SDK1: variants seen among roughly 807,000 people sequenced by gnomAD.
SDK1 encodes the protein sidekick cell adhesion molecule 1, also known as protein sidekick-1.
A neutral mutation model predicts 245.5 loss-of-function variants in SDK1; 157 were observed. The ratio of observed to expected loss-of-function variants is 0.64; its 90% CI spans 0.56 to 0.73. SDK1 has a LOEUF of 0.73. SDK1 is among the 30% of genes least tolerant of loss of function. The pLI is 0.00. For synonymous variants in SDK1, 1,647 were observed against 1,278.5 expected (o/e 1.29, Z -6.15); for missense variants, 3,583 against 3,002.3 (o/e 1.19, Z -4.52).
chr7:3,655,499 A>ATG (rs1562634449), intron 4 of SDK1, among the ~76,000 whole-genome samples: 30 of 64,016 alleles, frequency 4.7e-4, no homozygotes, highest in Non-Finnish European at 7.1e-4. Flanking sequence ...ATATATATAT[A>ATG]TATATGTATG....
At chr7:4,075,267 G>A (rs536600162) in intron 20 of SDK1, among the ~76,000 whole-genome samples, 19 of 152,298 alleles carry the variant, frequency 1.2e-4, no homozygotes, top group South Asian at 8.3e-4. Context: ...CCCTCAGCCC[G>A]CACACAGAAG....
At position 3,352,486 on chromosome 7, in the gene SDK1, C is replaced by T. The variant is rs1024241195; in HGVS notation, c.298+50602C>T. On this transcript the variant is annotated intron_variant, in intron 1 of 44. Transcript: ENST00000404826. Reference sequence around the variant, plus strand: ...CGAGATTTACATCCAGAGCTTAGTTCACAGGCTGTGGCTCCTGTTTTTATT... The same window carrying T: ...CGAGATTTACATCCAGAGCTTAGTTTACAGGCTGTGGCTCCTGTTTTTATT... 7.9e-5 allele frequency among the ~76,000 whole-genome samples: 12 copies of T among 152,138 alleles called. 1 individual carries two copies.
chr7:4,102,510 C>G (rs1189917868), intron 22 of SDK1, among the ~76,000 whole-genome samples: 1 of 152,202 alleles, frequency 6.6e-6, no homozygotes. Flanking sequence ...CGTCCCTCCT[C>G]CCTTCCCCAC....
At position 3,962,770 on chromosome 7, in the gene SDK1, C is replaced by G. The variant is rs762978309; in HGVS notation, c.1348C>G (p.Pro450Ala). The change falls in exon 9 of 45, where the codon CCA (proline) becomes GCA (alanine). Residue 450 changes from proline to alanine, a missense_variant. Transcript: ENST00000404826. ...AGGCCTGCGCATCCAGAAGCTGCGT[C>G]CAGAGGACTCCGGAATCTTCCAGTG... Reference protein sequence around the residue: ...SGGLRIQKLRPEDSGIFQCFA... With the variant: ...SGGLRIQKLRAEDSGIFQCFA... The G allele has an allele frequency of 5.0e-6, 8 of 1,613,716 alleles. No homozygotes were observed. The highest frequency in any genetic ancestry group is 6.8e-6 in the Non-Finnish European group (8 of 1,179,858).
At chr7:4,057,091 T>G (rs935117172) in intron 19 of SDK1, among the ~76,000 whole-genome samples, 3 of 152,110 alleles carry the variant, frequency 2.0e-5, no homozygotes, top group African/African-American at 7.2e-5. Flanking sequence ...CACCCACAGT[T>G]GCCACCTGGG....
rs540636252 is a variant in SDK1 at position 3,582,738 on chromosome 7, A to G, written c.299-36342A>G. On this transcript the variant is annotated intron_variant, in intron 1 of 44. Transcript: ENST00000404826. ...ACCATCAGGGCTAGTCTGAGACTTC[A>G]GGGACTTAATTCCTCATTGTAATTT... Among the ~76,000 whole-genome samples the G allele has an allele frequency of 2.4e-3, 355 of 147,412 alleles. 3 individuals are homozygous for G. The highest frequency in any genetic ancestry group is 0.018 in the South Asian group (81 of 4,434).
chr7:3,637,211 T>C (rs1252109942), intron 2 of SDK1, among the ~76,000 whole-genome samples: 1 of 152,098 alleles, frequency 6.6e-6, no homozygotes, highest in Non-Finnish European at 1.5e-5. Flanking sequence ...GATTCTCCTG[T>C]TTCAGCCCCC....
intron 32 of SDK1, among the ~76,000 whole-genome samples, chr7:4,167,981 A>G (rs1781598486): frequency 6.6e-6 from 1 of 152,060 alleles, no homozygotes; most frequent in African/African-American, 2.4e-5. Flanking sequence ...GCCTCCGAGC[A>G]CCTCCGGAGT....
chr7:3,932,393 C>T (rs1197308971), intron 5 of SDK1, among the ~76,000 whole-genome samples: 1 of 152,164 alleles, frequency 6.6e-6, no homozygotes, highest in Non-Finnish European at 1.5e-5. Flanking sequence ...ATTGTGTTGA[C>T]ATTTAGGAAA....
chr7:3,337,976 A>G (rs564083641), intron 1 of SDK1: 98 of 153,420 alleles, frequency 6.4e-4, no homozygotes, highest in Non-Finnish European at 1.2e-3. Context: ...GGCACATGTA[A>G]TAGACTTTTT....
chr7:3,762,172 A>C (rs1198850438), intron 4 of SDK1, among the ~76,000 whole-genome samples: 4 of 152,218 alleles, frequency 2.6e-5, no homozygotes, highest in African/African-American at 7.2e-5. Flanking sequence ...ATACTCCTAC[A>C]ACAATCCTTT....
chr7:3,786,615 A>G (rs1329685030), intron 4 of SDK1, among the ~76,000 whole-genome samples: 1 of 152,196 alleles, frequency 6.6e-6, no homozygotes, highest in African/African-American at 2.4e-5. Flanking sequence ...TGTCTCAGTG[A>G]ATGGACTGAA....
chr7:3,502,988 ATTAC>A (rs1324278124), intron 1 of SDK1, among the ~76,000 whole-genome samples: 8 of 152,210 alleles, frequency 5.3e-5, no homozygotes, highest in African/African-American at 1.9e-4. Context: ...TGTTCTTGGA[ATTAC>A]TTACACTGGT....
chr7:3,962,829 C>A lies in SDK1; in HGVS notation c.1407C>A (p.Thr469=), dbSNP rs150361503. 1.2e-6 allele frequency: 2 copies of A among 1,612,916 alleles called. No individual in the cohort carries two copies. Among genetic ancestry groups the A allele is most frequent in the South Asian group, 2.2e-5 (2 of 90,944 alleles). ...GCAATGAAGGAGGGGAGATCCAGAC[C>A]CACACCTACCTGGATGTAACCAGTG... ...FASNEGGEIQ[T]HTYLDVTNIA... The change falls in exon 9 of 45, where the codon ACC becomes ACA. Residue 469 remains threonine (T), a synonymous_variant. Coordinates refer to ENST00000404826, the MANE Select transcript of SDK1 (RefSeq NM_152744.4).
chr7:3,346,828 T>TATA (rs1491226721), intron 1 of SDK1, among the ~76,000 whole-genome samples: 4 of 39,284 alleles, frequency 1.0e-4, no homozygotes, highest in Non-Finnish European at 1.7e-4. Flanking sequence ...TATATATATA[T>TATA]TTTTTTTTTT....
At chr7:3,604,813 G>A (rs943069960) in intron 1 of SDK1, among the ~76,000 whole-genome samples, 2 of 151,528 alleles carry the variant, frequency 1.3e-5, no homozygotes, top group Admixed American at 6.6e-5. Context: ...TGTTGGTCAG[G>A]CTGGTCTTGA....
intron 19 of SDK1, among the ~76,000 whole-genome samples, chr7:4,058,065 G>C (rs1297126922): frequency 6.6e-6 from 1 of 151,408 alleles, no homozygotes; most frequent in Non-Finnish European, 1.5e-5. Flanking sequence ...CAATGAAAAA[G>C]AAATTATGAA....
chr7:4,087,305 T>C (rs559817283), intron 22 of SDK1, among the ~76,000 whole-genome samples: 1 of 152,188 alleles, frequency 6.6e-6, no homozygotes, highest in Non-Finnish European at 1.5e-5. Context: ...ATTTGTAACA[T>C]TAAATTCTCA....
intron 13 of SDK1, among the ~76,000 whole-genome samples, chr7:3,975,688 G>A (rs1782868124): frequency 6.6e-6 from 1 of 152,258 alleles, no homozygotes; most frequent in African/African-American, 2.4e-5. Flanking sequence ...TTCACGATGT[G>A]TAGCAGTCAG....
Sources: gnomAD v4.1 joint callset for allele counts (sites outside exome capture counted in the v4.1 genomes callset) on GRCh38, gnomAD v4.1.1 for gene constraint, MANE v1.5 for transcripts, NCBI Gene and HGNC (gene_info 2026-07-23, HGNC 2026-07-21) for gene names.